The following SRPK2 variants were observed in gnomAD, a reference collection of about 807,000 sequenced individuals.
SRPK2 encodes the protein SRSF protein kinase 2.
A neutral mutation model predicts 90.8 loss-of-function variants in SRPK2; 21 were observed. The observed-to-expected ratio is 0.23, with a 90% CI of 0.16 to 0.33. The LOEUF (loss-of-function observed/expected upper bound fraction) is 0.33, where lower values mean the gene tolerates loss of function less well. SRPK2 is among the 10% of genes least tolerant of loss of function. The pLI is 1.00. For synonymous variants in SRPK2, 288 were observed against 311.1 expected (o/e 0.93, Z 0.78); for missense variants, 620 against 869.0 (o/e 0.71, Z 3.60).
At chr7:105,340,912 TG>T (rs554842461) in intron 2 of SRPK2, among the ~76,000 whole-genome samples, 96 of 151,658 alleles carry the variant, frequency 6.3e-4, no homozygotes, top group South Asian at 2.5e-3. Context: ...GAGATATTAA[TG>T]TTTTTTTAGA....
At chr7:105,238,849 G>T (rs915978681) in intron 2 of SRPK2, among the ~76,000 whole-genome samples, 1 of 152,144 alleles carries the variant, frequency 6.6e-6, no homozygotes, top group South Asian at 2.1e-4. Context: ...CCACCACCTA[G>T]ACCGAAATAC....
intron 15 of SRPK2, among the ~76,000 whole-genome samples, chr7:105,123,321 T>G (rs1312645129): frequency 6.6e-6 from 1 of 152,176 alleles, no homozygotes; most frequent in African/African-American, 2.4e-5. Flanking sequence ...TGAGCTGCAT[T>G]TGATGTTCAA....
intron 2 of SRPK2, among the ~76,000 whole-genome samples, chr7:105,312,149 A>C (rs1811775787): frequency 1.3e-5 from 2 of 152,240 alleles, no homozygotes; most frequent in African/African-American, 4.8e-5. Flanking sequence ...GCTACAAAGT[A>C]GATGAAACTT....
At chr7:105,305,298 G>A (rs769084869) in intron 2 of SRPK2, among the ~76,000 whole-genome samples, 1 of 152,044 alleles carries the variant, frequency 6.6e-6, no homozygotes, top group Non-Finnish European at 1.5e-5. Flanking sequence ...AATTAGCCGG[G>A]TATTTTTACA....
intron 9 of SRPK2, chr7:105,143,563 G>A: frequency 1.8e-6 from 1 of 547,258 alleles, no homozygotes; most frequent in South Asian, 2.4e-5. Context: ...CCCTCAGAGG[G>A]ATATAGCTTA....
intron 3 of SRPK2, among the ~76,000 whole-genome samples, chr7:105,176,723 G>GTA (rs1554439514): frequency 1.3e-4 from 9 of 68,570 alleles, no homozygotes; most frequent in African/African-American, 2.0e-4. Flanking sequence ...GTGTGTGTGT[G>GTA]TGTATGTATG....
At chr7:105,224,717 C>T (rs1292410659) in intron 2 of SRPK2, among the ~76,000 whole-genome samples, 1 of 152,128 alleles carries the variant, frequency 6.6e-6, no homozygotes, top group Non-Finnish European at 1.5e-5. Context: ...CCTCATCTTC[C>T]ATTTTAAAAC....
intron 2 of SRPK2, among the ~76,000 whole-genome samples, chr7:105,228,906 C>G (rs1375571103): frequency 6.6e-6 from 1 of 152,176 alleles, no homozygotes; most frequent in African/African-American, 2.4e-5. Context: ...GTAAACAGGG[C>G]GCCCCTGTTA....
intron 3 of SRPK2, among the ~76,000 whole-genome samples, chr7:105,194,308 A>T (rs1794653583): frequency 6.6e-6 from 1 of 152,196 alleles, no homozygotes; most frequent in African/African-American, 2.4e-5. Flanking sequence ...AAACAAGACA[A>T]GGGAGATGTC....
intron 2 of SRPK2, among the ~76,000 whole-genome samples, chr7:105,267,413 A>C (rs565886509): frequency 6.6e-6 from 1 of 152,270 alleles, no homozygotes; most frequent in Admixed American, 6.5e-5. Context: ...CACTATGCAC[A>C]CCACCCTCTT....
At chr7:105,268,337 C>A (rs2130426314) in intron 2 of SRPK2, among the ~76,000 whole-genome samples, 1 of 152,296 alleles carries the variant, frequency 6.6e-6, no homozygotes, top group East Asian at 1.9e-4. Flanking sequence ...AAGCTATTTA[C>A]AAATGGCACT....
At chr7:105,160,742 T>C in intron 6 of SRPK2, 129 bp from the exon 7 acceptor site, 1 of 542,070 alleles carries the variant, frequency 1.8e-6, no homozygotes, top group East Asian at 2.9e-5. Context: ...CTATCAGTAA[T>C]ACCAAAAGTG....
At chr7:105,135,765 A>AT (rs56208863) in intron 11 of SRPK2, among the ~76,000 whole-genome samples, 8,085 of 141,638 alleles carry the variant, frequency 0.057, 299 homozygotes, top group East Asian at 0.17. Flanking sequence ...AATGCAGGGA[A>AT]TTTTTTTTTT....
intron 3 of SRPK2, among the ~76,000 whole-genome samples, chr7:105,203,164 A>T (rs760740223): frequency 6.6e-6 from 1 of 151,860 alleles, no homozygotes; most frequent in Non-Finnish European, 1.5e-5. Context: ...AATTTTTTGC[A>T]CTTTTTGTAG....
intron 3 of SRPK2, among the ~76,000 whole-genome samples, chr7:105,183,451 G>T (rs561160303): frequency 6.6e-6 from 1 of 152,146 alleles, no homozygotes; most frequent in South Asian, 2.1e-4. Flanking sequence ...ATATCAGATC[G>T]TAAATGGCTA....
chr7:105,131,189 G>A (rs73717961), intron 13 of SRPK2, among the ~76,000 whole-genome samples: 6,289 of 152,204 alleles, frequency 0.041, 459 homozygotes, highest in African/African-American at 0.14. Flanking sequence ...AGTACTTAGC[G>A]CCTAATTCGG....
chr7:105,365,757 C>A (rs1818972944), intron 2 of SRPK2, among the ~76,000 whole-genome samples: 1 of 151,660 alleles, frequency 6.6e-6, no homozygotes, highest in African/African-American at 2.4e-5. Flanking sequence ...CATCATGCCA[C>A]TTCACTCCGG....
At chr7:105,337,584 G>T (rs1815257388) in intron 2 of SRPK2, among the ~76,000 whole-genome samples, 1 of 152,090 alleles carries the variant, frequency 6.6e-6, no homozygotes, top group South Asian at 2.1e-4. Context: ...CAAAGTGCTA[G>T]GATTACAGGC....
intron 2 of SRPK2, among the ~76,000 whole-genome samples, chr7:105,283,450 A>T (rs1807609987): frequency 6.6e-6 from 1 of 152,242 alleles, no homozygotes; most frequent in South Asian, 2.1e-4. Flanking sequence ...TAAAAGAAAG[A>T]GTACTAATAC....
Sources: gnomAD v4.1 joint callset for allele counts (sites outside exome capture counted in the v4.1 genomes callset) on GRCh38, gnomAD v4.1.1 for gene constraint, MANE v1.5 for transcripts, NCBI Gene and HGNC (gene_info 2026-07-23, HGNC 2026-07-21) for gene names.